RYR2: variants seen among roughly 807,000 people sequenced by gnomAD.
The protein encoded by RYR2 is ryanodine receptor 2.
A neutral mutation model predicts 601.1 loss-of-function variants in RYR2; 227 were observed. The observed-to-expected ratio is 0.38, with a 90% CI of 0.34 to 0.42. RYR2 has a LOEUF of 0.42. RYR2 is among the 10% of genes least tolerant of loss of function. The probability of loss-of-function intolerance (pLI) is 1.00; values close to 1 mark genes in which losing one functional copy is unlikely to be tolerated. For missense variants in RYR2, 4,646 were observed against 6,156.5 expected (o/e 0.75, Z 8.21); for synonymous variants, 2,223 against 2,175.1 (o/e 1.02, Z -0.61).
intron 1 of RYR2, among the ~76,000 whole-genome samples, chr1:237,205,583 G>A (rs1044486293): frequency 6.6e-6 from 1 of 152,204 alleles, no homozygotes; most frequent in African/African-American, 2.4e-5. Context: ...AGGCAGGATG[G>A]GGCTGGCACC....
chr1:237,288,931 C>T (rs1242626712), intron 2 of RYR2, among the ~76,000 whole-genome samples: 2 of 152,130 alleles, frequency 1.3e-5, no homozygotes, highest in Non-Finnish European at 2.9e-5. Flanking sequence ...CCTGTGGTGC[C>T]AGGCAGGTAT....
chr1:237,629,416 A>G (rs1476427070), intron 41 of RYR2, among the ~76,000 whole-genome samples: 2 of 152,040 alleles, frequency 1.3e-5, no homozygotes, highest in Non-Finnish European at 2.9e-5. Context: ...TGGAATCAAA[A>G]TCATAACAAA....
chr1:237,362,177 G>A (rs980292632), intron 4 of RYR2, among the ~76,000 whole-genome samples: 2 of 152,136 alleles, frequency 1.3e-5, no homozygotes, highest in Non-Finnish European at 2.9e-5. Flanking sequence ...ACTGACATCT[G>A]CAGTTTTAGC....
chr1:237,397,617 T>C (rs1341110848), intron 10 of RYR2, among the ~76,000 whole-genome samples: 1 of 152,154 alleles, frequency 6.6e-6, no homozygotes, highest in Non-Finnish European at 1.5e-5. Context: ...CAGAAAGTAA[T>C]GTTTAAGGAA....
At chr1:237,620,492 C>T (rs1177509205) in intron 38 of RYR2, among the ~76,000 whole-genome samples, 1 of 151,904 alleles carries the variant, frequency 6.6e-6, no homozygotes, top group African/African-American at 2.4e-5. Flanking sequence ...TCTAAATATA[C>T]CAATTACAAG....
chr1:237,690,157 A>G (rs1186885301), intron 63 of RYR2, among the ~76,000 whole-genome samples: 1 of 152,148 alleles, frequency 6.6e-6, no homozygotes, highest in Non-Finnish European at 1.5e-5. Context: ...AGTCTTAAGC[A>G]TTTAAGCTTC....
chr1:237,742,113 A>G (rs1020065903), intron 79 of RYR2, among the ~76,000 whole-genome samples, 183 bp from the exon 80 acceptor site: 2 of 152,234 alleles, frequency 1.3e-5, no homozygotes, highest in African/African-American at 4.8e-5. Context: ...AAAGCACTAT[A>G]TATAATTTTC....
chr1:237,500,388 C>A (rs527542112), intron 20 of RYR2, among the ~76,000 whole-genome samples: 56 of 152,184 alleles, frequency 3.7e-4, no homozygotes, highest in African/African-American at 1.3e-3. Context: ...TATTTGAAGT[C>A]CCTGGAGATG....
chr1:237,173,624 C>A (rs1328531038), intron 1 of RYR2, among the ~76,000 whole-genome samples: 4 of 152,302 alleles, frequency 2.6e-5, no homozygotes, highest in East Asian at 3.9e-4. Context: ...ATCTCTTTCT[C>A]TGCATGTTAA....
At chr1:237,554,314 A>C (rs1339083270) in intron 27 of RYR2, among the ~76,000 whole-genome samples, 1 of 151,912 alleles carries the variant, frequency 6.6e-6, no homozygotes, top group African/African-American at 2.4e-5. Context: ...TCAAATGTTA[A>C]ACCAACTTTC....
At chr1:237,306,289 G>T (rs1419661005) in intron 2 of RYR2, among the ~76,000 whole-genome samples, 1 of 152,090 alleles carries the variant, frequency 6.6e-6, no homozygotes, top group Non-Finnish European at 1.5e-5. Flanking sequence ...TGGCCTAAAG[G>T]TAATCTATGT....
At chr1:237,618,954 A>G (rs887632897) in intron 38 of RYR2, among the ~76,000 whole-genome samples, 14 of 152,294 alleles carry the variant, frequency 9.2e-5, no homozygotes, top group African/African-American at 3.4e-4. Context: ...ACTGCCCAAC[A>G]GTAACAGGGT....
At chr1:237,726,674 T>C (rs1690223271) in intron 75 of RYR2, among the ~76,000 whole-genome samples, 1 of 152,034 alleles carries the variant, frequency 6.6e-6, no homozygotes, top group African/African-American at 2.4e-5. Flanking sequence ...GACATATGAA[T>C]AAGAATGAGG....
intron 10 of RYR2, among the ~76,000 whole-genome samples, chr1:237,392,690 A>G (rs945356733): frequency 1.3e-5 from 2 of 151,926 alleles, no homozygotes; most frequent in African/African-American, 2.4e-5. Context: ...TGGATTTGAT[A>G]TGCACTATGT....
At chr1:237,812,518 C>T (rs1391847977) in intron 100 of RYR2, among the ~76,000 whole-genome samples, 1 of 152,152 alleles carries the variant, frequency 6.6e-6, no homozygotes, top group East Asian at 1.9e-4. Context: ...TTCAACATCA[C>T]TGCTCAAATA....
intron 14 of RYR2, among the ~76,000 whole-genome samples, chr1:237,451,118 GC>G (rs1658051358): frequency 6.6e-6 from 1 of 152,072 alleles, no homozygotes; most frequent in Non-Finnish European, 1.5e-5. Flanking sequence ...TTTAGGCTGG[GC>G]ACGGTAGTGA....
At chr1:237,756,802 C>T (rs192821430) in intron 81 of RYR2, among the ~76,000 whole-genome samples, 71 of 152,276 alleles carry the variant, frequency 4.7e-4, no homozygotes, top group African/African-American at 1.7e-3. Context: ...ACACAAACAG[C>T]GTGGCTGTGT....
intron 1 of RYR2, among the ~76,000 whole-genome samples, chr1:237,102,717 A>G (rs1207928384): frequency 6.6e-6 from 1 of 152,054 alleles, no homozygotes. Context: ...TTAGCTGGGC[A>G]TGGTGGTGTG....
intron 27 of RYR2, among the ~76,000 whole-genome samples, chr1:237,559,924 C>A (rs2148188850): frequency 6.6e-6 from 1 of 152,320 alleles, no homozygotes; most frequent in East Asian, 1.9e-4. Flanking sequence ...GCTTCATGGT[C>A]AGCTGATGGT....
Sources: gnomAD v4.1 joint callset for allele counts (sites outside exome capture counted in the v4.1 genomes callset) on GRCh38, gnomAD v4.1.1 for gene constraint, MANE v1.5 for transcripts, NCBI Gene and HGNC (gene_info 2026-07-23, HGNC 2026-07-21) for gene names.